Variants in ULK4 observed in about 807,000 individuals in gnomAD.
ULK4 encodes the protein unc-51 like kinase 4.
A neutral mutation model predicts 160.6 loss-of-function variants in ULK4; 133 were observed. The observed-to-expected ratio is 0.83, with a 90% CI of 0.72 to 0.96. ULK4 has a LOEUF of 0.96. ULK4 is among the 40% of genes least tolerant of loss of function. ULK4 has a pLI of 0.00. For synonymous variants in ULK4, 534 were observed against 539.8 expected, an observed-to-expected ratio of 0.99 and a Z score of 0.15; for missense variants, 1,580 against 1,499.5, an observed-to-expected ratio of 1.05 and a Z score of -0.89.
chr3:41,755,712 AAG>A (rs1173789227), intron 21 of ULK4, among the ~76,000 whole-genome samples: 2 of 152,346 alleles, frequency 1.3e-5, no homozygotes, highest in Middle Eastern at 3.4e-3. Flanking sequence ...TCCAGATTAT[AAG>A]AGATTAAAAA....
intron 21 of ULK4, among the ~76,000 whole-genome samples, chr3:41,762,943 G>A (rs1025977634): frequency 1.3e-5 from 2 of 152,048 alleles, no homozygotes; most frequent in Admixed American, 6.6e-5. Context: ...GATTACAGGC[G>A]TGAGCCACTG....
At chr3:41,604,404 A>G (rs1470698213) in intron 31 of ULK4, among the ~76,000 whole-genome samples, 2 of 152,118 alleles carry the variant, frequency 1.3e-5, no homozygotes, top group African/African-American at 4.8e-5. Context: ...GTATTATTTG[A>G]GAATATGTAG....
chr3:41,345,337 C>T (rs1445791297), intron 35 of ULK4, among the ~76,000 whole-genome samples: 9 of 152,144 alleles, frequency 5.9e-5, no homozygotes, highest in African/African-American at 2.2e-4. Context: ...ATGTTCACTG[C>T]AGCACCATTC....
chr3:41,903,177 C>T (rs1339724754), intron 12 of ULK4, among the ~76,000 whole-genome samples: 7 of 152,048 alleles, frequency 4.6e-5, no homozygotes, highest in Admixed American at 1.3e-4. Context: ...TATATTGGTC[C>T]GTAAAGTAAG....
At chr3:41,877,292 C>G (rs1204074596) in intron 17 of ULK4, among the ~76,000 whole-genome samples, 1 of 148,886 alleles carries the variant, frequency 6.7e-6, no homozygotes, top group Non-Finnish European at 1.5e-5. Flanking sequence ...ATTCTAAACT[C>G]TAAGCTAAAA....
intron 20 of ULK4, among the ~76,000 whole-genome samples, chr3:41,791,911 C>A (rs2040162846): frequency 6.6e-6 from 1 of 152,182 alleles, no homozygotes; most frequent in Non-Finnish European, 1.5e-5. Flanking sequence ...AATTAATAAT[C>A]ACTGACTCCA....
rs778496222 is a variant in ULK4 at position 41,888,342 on chromosome 3, C to A, written c.1578-4390G>T. Reference sequence around the variant, plus strand: ...TTAAATGATAACTGATAACTAGAAACAAAAAGGAAGGCTAAAAGTGGACTA... The same window carrying A: ...TTAAATGATAACTGATAACTAGAAAAAAAAAGGAAGGCTAAAAGTGGACTA... On this transcript the variant is annotated intron_variant, in intron 16 of 36. Coordinates refer to ENST00000301831, the MANE Select transcript of ULK4 (RefSeq NM_017886.4). Among the ~76,000 whole-genome samples the A allele has an allele frequency of 1.3e-3, 192 of 152,096 alleles. 1 individual carries two copies. Among genetic ancestry groups the A allele is most frequent in the East Asian group, 3.9e-4 (2 of 5,174 alleles).
intron 21 of ULK4, among the ~76,000 whole-genome samples, chr3:41,781,087 C>G (rs2039824950): frequency 6.6e-6 from 1 of 151,750 alleles, no homozygotes. Flanking sequence ...ATATTTTTCT[C>G]TATACATACA....
At chr3:41,408,831 A>G (rs771740437) in intron 34 of ULK4, among the ~76,000 whole-genome samples, 6 of 152,192 alleles carry the variant, frequency 3.9e-5, no homozygotes, top group Non-Finnish European at 2.9e-5. Flanking sequence ...GGTTTTAACA[A>G]TGGTGCCAAG....
intron 5 of ULK4, 179 bp downstream of exon 5, chr3:41,931,665 T>A (rs1428536207): frequency 5.7e-6 from 4 of 698,658 alleles, no homozygotes; most frequent in Non-Finnish European, 9.5e-6. Flanking sequence ...TAGATCCACA[T>A]TGAATACTTT....
At position 41,551,757 on chromosome 3, in the gene ULK4, C is replaced by T. The variant is rs532760760; in HGVS notation, c.3226+14268G>A. ...AAGAAATAAAAAGAAGATAATTACC[C>T]CCAACTCATTCTACAAGGCCAGCAT... On this transcript the variant is annotated intron_variant, in intron 32 of 36. Transcript: ENST00000301831. Among the ~76,000 whole-genome samples, 5 of 151,960 alleles carry T rather than the reference C, an allele frequency of 3.3e-5. 1 individual carries two copies. The highest frequency in any genetic ancestry group is 1.2e-4 in the African/African-American group (5 of 41,496).
rs890895602 is a variant in ULK4, at chr3:41,656,246, T to C, written c.3071+7361A>G. Among the ~76,000 whole-genome samples the C allele has an allele frequency of 6.6e-5, 10 of 152,102 alleles. No individual in the cohort carries two copies. In the South Asian group the frequency reaches 8.3e-4, roughly 13 times the overall value. ...GGCGGGGGGAAAGAAGGAACACTTATACAACATTTTCTATGGACTAGGGGG... is the reference window on the plus strand; with the variant it reads ...GGCGGGGGGAAAGAAGGAACACTTACACAACATTTTCTATGGACTAGGGGG... On this transcript the variant is annotated intron_variant, in intron 30 of 36. Coordinates refer to ENST00000301831, the MANE Select transcript of ULK4 (RefSeq NM_017886.4).
Position 41,706,883 on chromosome 3 carries a change from G to A in ULK4, c.2635-1578C>T, listed in dbSNP as rs1210707006. 1.1e-3 allele frequency among the ~76,000 whole-genome samples: 135 copies of A among 128,274 alleles called. 1 individual carries two copies. Among genetic ancestry groups the A allele is most frequent in the African/African-American group, 4.6e-3 (108 of 23,496 alleles). The allele number at this position is 128,274 out of a possible 152,430, so 84.2% of individuals were successfully genotyped here. ...TGTGTGTGTGTGTGTGTGTGTGTGT[G>A]TGTGTGTATATATATATAGAGAGAG... On this transcript the variant is annotated intron_variant, in intron 25 of 36. Coordinates refer to ENST00000301831, the MANE Select transcript of ULK4 (RefSeq NM_017886.4).
At chr3:41,570,113 C>T (rs960141525) in intron 31 of ULK4, among the ~76,000 whole-genome samples, 11 of 152,196 alleles carry the variant, frequency 7.2e-5, no homozygotes, top group African/African-American at 2.7e-4. Context: ...AATACCCACA[C>T]TGCATCTGAC....
At chr3:41,609,617 G>A (rs1559430312) in intron 31 of ULK4, among the ~76,000 whole-genome samples, 1 of 152,186 alleles carries the variant, frequency 6.6e-6, no homozygotes, top group Non-Finnish European at 1.5e-5. Context: ...CATTCAACAG[G>A]TGTTAACTGT....
chr3:41,646,658 A>G lies in ULK4; in HGVS notation c.3071+16949T>C, dbSNP rs2034507430. ...CTTCATTTCAACTATGGTGAATCTG[A>G]CAATTATGTGTCTTGGAGTTGCTCT... On this transcript the variant is annotated intron_variant, in intron 30 of 36. Coordinates refer to ENST00000301831, the MANE Select transcript of ULK4 (RefSeq NM_017886.4). 4.6e-5 allele frequency among the ~76,000 whole-genome samples: 7 copies of G among 152,208 alleles called. No homozygotes were observed. In the South Asian group the frequency reaches 1.5e-3, roughly 32 times the overall value.
chr3:41,421,698 T>C (rs1346721147), intron 34 of ULK4, among the ~76,000 whole-genome samples: 1 of 152,170 alleles, frequency 6.6e-6, no homozygotes, highest in African/African-American at 2.4e-5. Context: ...CCTATATTCC[T>C]AAATGAAAGT....
chr3:41,900,010 A>G (rs1698295407), intron 13 of ULK4, among the ~76,000 whole-genome samples: 1 of 152,242 alleles, frequency 6.6e-6, no homozygotes, highest in Non-Finnish European at 1.5e-5. Context: ...AAGAAGCAGG[A>G]AAATTAAAAT....
intron 17 of ULK4, among the ~76,000 whole-genome samples, chr3:41,863,436 C>T (rs186509888): frequency 2.1e-4 from 32 of 150,894 alleles, no homozygotes; most frequent in Non-Finnish European, 3.4e-4. Flanking sequence ...TGGTGTTCTA[C>T]CCTCTTTGGC....
Sources: gnomAD v4.1 joint callset for allele counts (sites outside exome capture counted in the v4.1 genomes callset) on GRCh38, gnomAD v4.1.1 for gene constraint, MANE v1.5 for transcripts, NCBI Gene and HGNC (gene_info 2026-07-23, HGNC 2026-07-21) for gene names.